The following SEMA6D variants were observed in gnomAD, a reference collection of about 807,000 sequenced individuals.
SEMA6D encodes semaphorin-6D.
In SEMA6D, 35 loss-of-function variants were observed where a neutral mutation model predicts 106.6. The observed-to-expected ratio is 0.33, with a 90% confidence interval of 0.25 to 0.44. The LOEUF is 0.44. SEMA6D is among the 20% of genes least tolerant of loss of function. The pLI, the probability that SEMA6D is intolerant of heterozygous loss-of-function variation, is 1.00. For missense variants in SEMA6D, 1,185 were observed against 1,345.9 expected (o/e 0.88, Z 1.87); for synonymous variants, 499 against 487.7 (o/e 1.02, Z -0.31).
chr15:47,236,958 G>C (rs1450584080), intron 1 of SEMA6D, among the ~76,000 whole-genome samples: 3 of 152,102 alleles, frequency 2.0e-5, no homozygotes, highest in Non-Finnish European at 4.4e-5. Flanking sequence ...GCAAGCAAGA[G>C]ACAATGACAT....
chr15:47,602,706 G>A (rs946320811), intron 4 of SEMA6D, among the ~76,000 whole-genome samples: 1 of 152,068 alleles, frequency 6.6e-6, no homozygotes, highest in African/African-American at 2.4e-5. Flanking sequence ...ATCAAGCCTG[G>A]ATCTCATTAT....
chr15:47,633,931 T>G (rs1411099075), intron 4 of SEMA6D, among the ~76,000 whole-genome samples: 1 of 152,202 alleles, frequency 6.6e-6, no homozygotes, highest in Non-Finnish European at 1.5e-5. Context: ...CAGGAAGTTT[T>G]TCTTTTGCTT....
intron 1 of SEMA6D, among the ~76,000 whole-genome samples, chr15:47,282,470 CATGTTGGT>C (rs2035170951): frequency 6.6e-6 from 1 of 152,090 alleles, no homozygotes; most frequent in South Asian, 2.1e-4. Context: ...TGTTGATGAA[CATGTTGGT>C]AATTTTTAGG....
chr15:47,678,689 A>C (rs2078291644), intron 4 of SEMA6D, among the ~76,000 whole-genome samples: 1 of 151,726 alleles, frequency 6.6e-6, no homozygotes, highest in South Asian at 2.1e-4. Context: ...CCCTTTAGCC[A>C]TAATATTTGT....
At chr15:47,697,849 C>T (rs1045236006) in intron 4 of SEMA6D, among the ~76,000 whole-genome samples, 1 of 152,224 alleles carries the variant, frequency 6.6e-6, no homozygotes, top group African/African-American at 2.4e-5. Flanking sequence ...ATGTCTGACA[C>T]AGTTCTTTTG....
chr15:47,490,150 T>G (rs2043427128), intron 3 of SEMA6D, among the ~76,000 whole-genome samples: 1 of 152,216 alleles, frequency 6.6e-6, no homozygotes, highest in Non-Finnish European at 1.5e-5. Flanking sequence ...CTGTTTGTTA[T>G]TCTCCTTAGA....
In SEMA6D at chr15:47,335,180, C is replaced by T. The variant is rs117048068; in HGVS notation, c.-238-77213C>T. On this transcript the variant is annotated intron_variant, in intron 1 of 19. Coordinates refer to the SEMA6D transcript ENST00000558014. Reference sequence around the variant, plus strand: ...AGAGGGTATAGTGTAAAGGAATTATCTCGTTTTGTGGATGGGTATCATAAA... The same window carrying T: ...AGAGGGTATAGTGTAAAGGAATTATTTCGTTTTGTGGATGGGTATCATAAA... Among the ~76,000 whole-genome samples, 352 of 152,162 alleles carry T rather than the reference C, an allele frequency of 2.3e-3. 1 individual carries two copies. Among genetic ancestry groups the T allele is most frequent in the Non-Finnish European group, 3.7e-3 (252 of 68,012 alleles).
chr15:47,577,954 A>T (rs2076185258), intron 3 of SEMA6D, among the ~76,000 whole-genome samples: 1 of 152,250 alleles, frequency 6.6e-6, no homozygotes, highest in Admixed American at 6.5e-5. Context: ...TAGTATTCTC[A>T]TGTTTATTAC....
chr15:47,625,542 T>C (rs2077187252), intron 4 of SEMA6D, among the ~76,000 whole-genome samples: 1 of 151,864 alleles, frequency 6.6e-6, no homozygotes, highest in African/African-American at 2.4e-5. Flanking sequence ...CTGGGCAACA[T>C]GGTGAAACCC....
chr15:47,205,896 T>G (rs1895025966), intron 1 of SEMA6D, among the ~76,000 whole-genome samples: 1 of 151,706 alleles, frequency 6.6e-6, no homozygotes, highest in Non-Finnish European at 1.5e-5. Flanking sequence ...AAAATAGTAG[T>G]TGGATAAGTG....
intron 1 of SEMA6D, among the ~76,000 whole-genome samples, chr15:47,309,184 T>G (rs1042505054): frequency 6.6e-6 from 1 of 152,214 alleles, no homozygotes; most frequent in African/African-American, 2.4e-5. Context: ...TTTCACAGTT[T>G]CAGTTTCCCC....
intron 4 of SEMA6D, among the ~76,000 whole-genome samples, chr15:47,606,104 CT>C (rs1393961779): frequency 3.3e-5 from 5 of 152,146 alleles, no homozygotes; most frequent in African/African-American, 7.2e-5. Context: ...CACCCTACTA[CT>C]TTTTTTATAT....
At chr15:47,702,117 G>A (rs2078824422) in intron 4 of SEMA6D, among the ~76,000 whole-genome samples, 1 of 152,016 alleles carries the variant, frequency 6.6e-6, no homozygotes, top group Non-Finnish European at 1.5e-5. Flanking sequence ...TTTACCTACA[G>A]CCAGACACTG....
intron 1 of SEMA6D, among the ~76,000 whole-genome samples, chr15:47,225,261 TTG>T (rs1595767764): frequency 1.3e-5 from 2 of 152,042 alleles, no homozygotes; most frequent in East Asian, 3.9e-4. Context: ...CTGTATCATT[TTG>T]TGTTTGCACC....
chr15:47,227,721 C>T (rs1055246841), intron 1 of SEMA6D, among the ~76,000 whole-genome samples: 2 of 150,534 alleles, frequency 1.3e-5, no homozygotes, highest in Non-Finnish European at 3.0e-5. Context: ...AAAAGAATCC[C>T]CACATCCACC....
At chr15:47,665,007 C>G (rs2077997251) in intron 4 of SEMA6D, among the ~76,000 whole-genome samples, 1 of 152,124 alleles carries the variant, frequency 6.6e-6, no homozygotes. Flanking sequence ...GCGTGGTTAA[C>G]AATTCCAAGG....
At chr15:47,311,701 C>T (rs2036453098) in intron 1 of SEMA6D, among the ~76,000 whole-genome samples, 1 of 152,018 alleles carries the variant, frequency 6.6e-6, no homozygotes, top group Admixed American at 6.6e-5. Context: ...AAAAAAAAAT[C>T]TATATATAGC....
intron 1 of SEMA6D, among the ~76,000 whole-genome samples, chr15:47,721,438 G>A (rs150307243): frequency 3.0e-4 from 45 of 152,278 alleles, no homozygotes; most frequent in African/African-American, 9.9e-4. Context: ...AGTGTCTTGG[G>A]TTGCCGCTGA....
At chr15:47,765,823 C>T (rs2082306967) in intron 13 of SEMA6D, 46 bp from the exon 14 acceptor site, 1 of 1,453,234 alleles carries the variant, frequency 6.9e-7, no homozygotes, top group South Asian at 1.7e-5. Context: ...GCAAACCACA[C>T]TTGACTGACT....
Sources: gnomAD v4.1 joint callset for allele counts (sites outside exome capture counted in the v4.1 genomes callset) on GRCh38, gnomAD v4.1.1 for gene constraint, MANE v1.5 for transcripts, NCBI Gene and HGNC (gene_info 2026-07-23, HGNC 2026-07-21) for gene names.